The following KCNMA1 variants were observed in gnomAD, a reference collection of about 807,000 sequenced individuals.
The protein encoded by KCNMA1 is Calcium-activated potassium channel subunit alpha-1.
Under a neutral mutation model 140.0 loss-of-function variants are expected in KCNMA1, and 29 were observed. The ratio of observed to expected loss-of-function variants is 0.21; its 90% CI spans 0.15 to 0.28. The LOEUF (loss-of-function observed/expected upper bound fraction) is 0.28, where lower values mean the gene tolerates loss of function less well. Ranked by LOEUF, KCNMA1 falls within the 10% of genes least tolerant of loss-of-function variation. The pLI, the probability that KCNMA1 is intolerant of heterozygous loss-of-function variation, is 1.00. For synonymous variants in KCNMA1, 612 were observed against 611.9 expected (o/e 1.00, Z 0.00); for missense variants, 880 against 1,602.2 (o/e 0.55, Z 7.70).
chr10:77,344,123 C>A (rs891100762), intron 2 of KCNMA1, among the ~76,000 whole-genome samples: 2 of 152,212 alleles, frequency 1.3e-5, no homozygotes, highest in African/African-American at 4.8e-5. Flanking sequence ...CATGTCCTGC[C>A]TAACAGTGGA....
intron 2 of KCNMA1, among the ~76,000 whole-genome samples, chr10:77,403,543 T>C (rs980262387): frequency 2.0e-5 from 3 of 152,098 alleles, no homozygotes; most frequent in Non-Finnish European, 4.4e-5. Flanking sequence ...TATATTTCCT[T>C]AACCCTCTTC....
chr10:77,234,879 G>A (rs188801139), intron 3 of KCNMA1, among the ~76,000 whole-genome samples: 1 of 152,306 alleles, frequency 6.6e-6, no homozygotes, highest in African/African-American at 2.4e-5. Context: ...TTCTAAGAGA[G>A]GAGGAATTTT....
intron 1 of KCNMA1, chr10:77,433,573 A>C (rs1418840981): frequency 6.6e-6 from 1 of 152,226 alleles, no homozygotes; most frequent in Non-Finnish European, 1.5e-5. Flanking sequence ...ATCACTTTGC[A>C]CTCTGAAAGA....
At chr10:77,356,026 C>T (rs12779310) in intron 2 of KCNMA1, among the ~76,000 whole-genome samples, 3,292 of 152,264 alleles carry the variant, frequency 0.022, 58 homozygotes, top group Middle Eastern at 0.041. Context: ...ACTACATTTA[C>T]GTAAAATTAA....
chr10:77,441,700 T>C (rs1250438413), intron 1 of KCNMA1, among the ~76,000 whole-genome samples: 1 of 152,100 alleles, frequency 6.6e-6, no homozygotes, highest in Non-Finnish European at 1.5e-5. Context: ...CTCTCTTCCC[T>C]CCTGTTAACC....
intron 8 of KCNMA1, 44 bp downstream of exon 8, chr10:77,110,129 T>C (rs761855941): frequency 3.4e-6 from 5 of 1,488,182 alleles, no homozygotes; most frequent in Non-Finnish European, 4.7e-6. Flanking sequence ...TGGAAAATAT[T>C]AACAGCCATC....
At chr10:77,432,032 G>C (rs2097166339) in intron 1 of KCNMA1, among the ~76,000 whole-genome samples, 2 of 152,104 alleles carry the variant, frequency 1.3e-5, no homozygotes, top group Admixed American at 1.3e-4. Context: ...GTGGAGGTTG[G>C]GATGCTCAGC....
At chr10:77,635,406 G>A (rs2093639595) in intron 1 of KCNMA1, 1 of 152,202 alleles carries the variant, frequency 6.6e-6, no homozygotes, top group Non-Finnish European at 1.5e-5. Context: ...AAAGCAAGCT[G>A]TTAAAAAGTT....
At chr10:76,910,443 G>C in intron 24 of KCNMA1, 1 of 340,092 alleles carries the variant, frequency 2.9e-6, no homozygotes, top group South Asian at 2.5e-5. Flanking sequence ...CAAGTCCTTT[G>C]AGAGATGGAC....
intron 1 of KCNMA1, among the ~76,000 whole-genome samples, chr10:77,523,234 C>A (rs920474226): frequency 3.4e-5 from 5 of 145,672 alleles, no homozygotes; most frequent in African/African-American, 1.3e-4. Context: ...ACCACAGAAC[C>A]GCATAGTAGG....
intron 2 of KCNMA1, among the ~76,000 whole-genome samples, chr10:77,369,534 G>A (rs2094551773): frequency 6.6e-6 from 1 of 152,092 alleles, no homozygotes; most frequent in East Asian, 1.9e-4. Context: ...AACCCTAGAT[G>A]TATATTGGAA....
chr10:77,119,437 T>C (rs903417506), intron 6 of KCNMA1, among the ~76,000 whole-genome samples: 2 of 152,162 alleles, frequency 1.3e-5, no homozygotes, highest in Non-Finnish European at 2.9e-5. Flanking sequence ...ACACCATCCC[T>C]ACCAAAAAAG....
intron 1 of KCNMA1, among the ~76,000 whole-genome samples, chr10:77,439,137 GAAGAGAAGAGAA>G (rs1445213424): frequency 2.1e-5 from 3 of 142,092 alleles, no homozygotes; most frequent in Admixed American, 7.1e-5. Flanking sequence ...GAAGAGAAGA[GAAGAGAAGAGAA>G]AAGAGAAGAG....
intron 3 of KCNMA1, among the ~76,000 whole-genome samples, chr10:77,231,105 T>G (rs1447645422): frequency 6.6e-6 from 1 of 152,206 alleles, no homozygotes; most frequent in Non-Finnish European, 1.5e-5. Context: ...ATTATTTTGC[T>G]AACATTATCA....
chr10:76,996,453 G>A (rs920837647), intron 19 of KCNMA1, among the ~76,000 whole-genome samples: 5 of 152,148 alleles, frequency 3.3e-5, no homozygotes, highest in Admixed American at 3.3e-4. Flanking sequence ...ATGACCCAGT[G>A]GCTGCCTAGG....
At chr10:77,398,723 G>C (rs2096156353) in intron 2 of KCNMA1, among the ~76,000 whole-genome samples, 2 of 152,188 alleles carry the variant, frequency 1.3e-5, no homozygotes, top group African/African-American at 4.8e-5. Flanking sequence ...TTGAGTCGTG[G>C]AGCCCACATG....
rs534304753 is a variant in KCNMA1 at position 77,019,986 on chromosome 10, GAAAC to G, written c.1929-891_1929-888del. 6 of 152,274 alleles carry G rather than the reference GAAAC, an allele frequency of 3.9e-5. No individual in the cohort carries two copies. The South Asian group carries it at 1.2e-3, about 32-fold the overall frequency. 9.4% of individuals were successfully genotyped at this position (152,274 alleles called of 1,614,324 possible). A position where few individuals can be genotyped will look rare whatever the true frequency, so the allele number is the denominator to read the frequency against. Reference sequence around the variant, plus strand: ...ATGTATCCTAATCTAATAAATGGATGAAACAAACAAGTTTAATTTTCTGCAGATC... The same window carrying G: ...ATGTATCCTAATCTAATAAATGGATGAAACAAGTTTAATTTTCTGCAGATC... On this transcript the variant is annotated intron_variant, in intron 16 of 27. Coordinates refer to ENST00000286628, the MANE Select transcript of KCNMA1 (RefSeq NM_001161352.2).
chr10:77,364,723 G>A (rs886767533), intron 2 of KCNMA1, among the ~76,000 whole-genome samples: 1 of 152,136 alleles, frequency 6.6e-6, no homozygotes, highest in Non-Finnish European at 1.5e-5. Flanking sequence ...GGCCTGAATG[G>A]GTAGCCAGTC....
intron 1 of KCNMA1, among the ~76,000 whole-genome samples, chr10:77,456,323 C>T (rs2097761803): frequency 6.6e-6 from 1 of 152,192 alleles, no homozygotes; most frequent in South Asian, 2.1e-4. Context: ...TCATCCTTCT[C>T]ATGTCAGCTT....
Sources: allele counts gnomAD v4.1 joint callset (sites outside exome capture counted in the v4.1 genomes callset), GRCh38; gene constraint gnomAD v4.1.1; transcripts MANE v1.5; gene names NCBI Gene and HGNC (gene_info 2026-07-23, HGNC 2026-07-21).